Variants in OR6C65 observed in about 807,000 individuals in gnomAD.
OR6C65 encodes olfactory receptor 6C65.
For synonymous variants in OR6C65, 126 were observed against 127.5 expected (o/e 0.99, Z 0.08); for missense variants, 379 against 366.2 (o/e 1.03, Z -0.29).
At position 55,400,600 on chromosome 12, in the gene OR6C65, G is replaced by T. The variant is rs752558858; in HGVS notation, c.72G>T (p.Val24=). Residue 24 remains valine, a synonymous_variant, in exon 1 of 1, where the codon GTG becomes GTT. Coordinates refer to ENST00000379665, the MANE Select transcript of OR6C65 (RefSeq NM_001005518.1). ...GFTDNPELQV[V]IFFFMLITYL... ...CAGATAACCCAGAGTTACAAGTTGTGATATTCTTCTTTATGTTGATCACAT... is the reference window on the plus strand; with the variant it reads ...CAGATAACCCAGAGTTACAAGTTGTTATATTCTTCTTTATGTTGATCACAT... The T allele has an allele frequency of 1.3e-6, 2 of 1,579,268 alleles. No individual in the cohort carries two copies. The highest frequency in any genetic ancestry group is 1.2e-5 in the South Asian group (1 of 85,776).
At position 55,401,439 on chromosome 12, in the gene OR6C65, A is replaced by G. The variant is rs1870498508; in HGVS notation, c.911A>G (p.Lys304Arg). ...QVKQALREFTKKILSLNKQ is the reference protein window; with the variant it reads ...QVKQALREFTRKILSLNKQ ...AAACAGGCCCTTAGGGAATTCACCA[A>G]AAAAATATTATCATTGAACAAGCAA... The change falls in exon 1 of 1, where the codon AAA becomes AGA. Residue 304 changes from lysine to arginine, a missense_variant. Lys to Arg is a conservative substitution (Grantham distance 26). Transcript: ENST00000379665. 2 of 1,581,280 alleles carry G rather than the reference A, an allele frequency of 1.3e-6. No homozygotes were observed. Among genetic ancestry groups the G allele is most frequent in the African/African-American group, 2.7e-5 (2 of 73,566 alleles).
chr12:55,401,376 T>C lies in OR6C65; in HGVS notation c.848T>C (p.Leu283Ser). 3 of 1,613,722 alleles carry C rather than the reference T, an allele frequency of 1.9e-6. No individual in the cohort carries two copies. Among genetic ancestry groups the C allele is most frequent in the Non-Finnish European group, 2.5e-6 (3 of 1,179,940 alleles). Residue 283 changes from leucine to serine, a missense_variant, in exon 1 of 1, where the codon TTG becomes TCG. Leu to Ser is a moderately radical substitution (Grantham distance 145). Coordinates refer to ENST00000379665, the MANE Select transcript of OR6C65 (RefSeq NM_001005518.1). ...AVLNTSVAPM[L>S]NPFIYTLRNQ... ...CTTAATACCTCTGTTGCTCCTATGT[T>C]GAATCCCTTTATTTATACCTTAAGA...
Position 55,401,434 on chromosome 12 carries a change from C to A in OR6C65, c.906C>A (p.Phe302Leu). ...NQQVKQALRE[F>L]TKKILSLNKQ ...AGGTGAAACAGGCCCTTAGGGAATT[C>A]ACCAAAAAAATATTATCATTGAACA... The change falls in exon 1 of 1, where the codon TTC becomes TTA. Residue 302 changes from phenylalanine (F) to leucine (L), a missense_variant. Transcript: ENST00000379665. 1.9e-6 allele frequency: 3 copies of A among 1,580,180 alleles called. No individual in the cohort carries two copies. The highest frequency in any genetic ancestry group is 3.8e-5 in the Admixed American group (2 of 53,154).
Position 55,401,140 on chromosome 12 carries a change from A to G in OR6C65, c.612A>G (p.Thr204=). 1 of 1,614,016 alleles carries G rather than the reference A, an allele frequency of 6.2e-7. No individual in the cohort carries two copies. The highest frequency in any genetic ancestry group is 8.5e-7 in the Non-Finnish European group (1 of 1,180,002). The change falls in exon 1 of 1, where the codon ACA becomes ACG. Residue 204 remains threonine, a synonymous_variant. Transcript: ENST00000379665. The part of the protein sequence containing the change: ...ELMAFLLAVF[T]LMVTLALVVL... Reference sequence around the variant, plus strand: ...TGGCATTTTTGCTAGCAGTATTCACACTCATGGTAACTTTGGCCTTGGTGG... The same window carrying G: ...TGGCATTTTTGCTAGCAGTATTCACGCTCATGGTAACTTTGGCCTTGGTGG...
chr12:55,400,671 T>C lies in OR6C65; in HGVS notation c.143T>C (p.Leu48Ser). 1 of 1,606,664 alleles carries C rather than the reference T, an allele frequency of 6.2e-7. No individual in the cohort carries two copies. The highest frequency in any genetic ancestry group is 8.5e-7 in the Non-Finnish European group (1 of 1,174,102). Residue 48 changes from leucine (L) to serine (S), a missense_variant, in exon 1 of 1, where the codon TTG becomes TCG. Coordinates refer to ENST00000379665, the MANE Select transcript of OR6C65 (RefSeq NM_001005518.1). ...SGNMIIIMLT[L>S]SNIHLKTPMY... ...AACATGATCATCATTATGTTAACAT[T>C]GTCAAATATTCATTTGAAAACTCCT...
Position 55,400,933 on chromosome 12 carries a change from T to C in OR6C65, c.405T>C (p.Ser135=). The change falls in exon 1 of 1, where the codon AGT becomes AGC. Residue 135 remains serine, a synonymous_variant. Coordinates refer to ENST00000379665, the MANE Select transcript of OR6C65 (RefSeq NM_001005518.1). ...CTCTACATTATACAACCATCATGAG[T>C]AACAAAGTCTGTAATTGGCTTGTAA... ...CKPLHYTTIM[S]NKVCNWLVIS... 2 of 1,614,014 alleles carry C rather than the reference T, an allele frequency of 1.2e-6. No individual in the cohort carries two copies. Among genetic ancestry groups the C allele is most frequent in the South Asian group, 1.1e-5 (1 of 91,070 alleles).
In OR6C65 at chr12:55,400,926, T is replaced by A; in HGVS notation, c.398T>A (p.Ile133Asn). 1 of 1,614,014 alleles carries A rather than the reference T, an allele frequency of 6.2e-7. No individual in the cohort carries two copies. The highest frequency in any genetic ancestry group is 8.5e-7 in the Non-Finnish European group (1 of 1,180,012). Reference protein sequence around the residue: ...AICKPLHYTTIMSNKVCNWLV... With the variant: ...AICKPLHYTTNMSNKVCNWLV... Reference sequence around the variant, plus strand: ...TGCAAACCTCTACATTATACAACCATCATGAGTAACAAAGTCTGTAATTGG... The same window carrying A: ...TGCAAACCTCTACATTATACAACCAACATGAGTAACAAAGTCTGTAATTGG... The change falls in exon 1 of 1, where the codon ATC becomes AAC. Residue 133 changes from isoleucine to asparagine, a missense_variant. Physicochemically the swap from Ile to Asn is moderately radical, Grantham distance 149 (BLOSUM62 -3). Coordinates refer to ENST00000379665, the MANE Select transcript of OR6C65 (RefSeq NM_001005518.1).
In OR6C65 at chr12:55,401,366, G is replaced by A. The variant is rs779756982; in HGVS notation, c.838G>A (p.Ala280Thr). ...TGTAGCAGTGCTTAATACCTCTGTT[G>A]CTCCTATGTTGAATCCCTTTATTTA... ...KGVAVLNTSV[A>T]PMLNPFIYTL... is the part of the protein sequence containing the mutation. The change falls in exon 1 of 1, where the codon GCT becomes ACT. Residue 280 changes from alanine (A) to threonine (T), a missense_variant. Transcript: ENST00000379665. The A allele has an allele frequency of 1.9e-6, 3 of 1,613,776 alleles. No individual in the cohort carries two copies. Among genetic ancestry groups the A allele is most frequent in the South Asian group, 1.1e-5 (1 of 91,078 alleles).
chr12:55,401,261 G>A lies in OR6C65; in HGVS notation c.733G>A (p.Val245Met), dbSNP rs760987828. 2.5e-5 allele frequency: 40 copies of A among 1,613,916 alleles called. No individual in the cohort carries two copies. The highest frequency in any genetic ancestry group is 3.3e-5 in the South Asian group (3 of 91,046). The change falls in exon 1 of 1, where the codon GTG (valine) becomes ATG (methionine). Residue 245 changes from valine to methionine, a missense_variant. Transcript: ENST00000379665. ...TTCAACTTGTTCCTCCCATATGATTGTGGTTTCTGTTTCTTATGGGAGTTG... is the reference window on the plus strand; with the variant it reads ...TTCAACTTGTTCCTCCCATATGATTATGGTTTCTGTTTCTTATGGGAGTTG... Reference protein sequence around the residue: ...AFSTCSSHMIVVSVSYGSCIF... With the variant: ...AFSTCSSHMIMVSVSYGSCIF...
chr12:55,401,361 C>G lies in OR6C65; in HGVS notation c.833C>G (p.Ser278Cys), dbSNP rs756076045. The change falls in exon 1 of 1, where the codon TCT becomes TGT. Residue 278 changes from serine to cysteine, a missense_variant. Coordinates refer to ENST00000379665, the MANE Select transcript of OR6C65 (RefSeq NM_001005518.1). ...AAAGGTGTAGCAGTGCTTAATACCT[C>G]TGTTGCTCCTATGTTGAATCCCTTT... ...LSKGVAVLNTSVAPMLNPFIY... is the reference protein window; with the variant it reads ...LSKGVAVLNTCVAPMLNPFIY... The G allele has an allele frequency of 6.2e-6, 10 of 1,613,680 alleles. No homozygotes were observed. The highest frequency in any genetic ancestry group is 3.3e-5 in the Admixed American group (2 of 59,996).
chr12:55,401,056 C>G lies in OR6C65; in HGVS notation c.528C>G (p.Ile176Met). 2 of 1,614,160 alleles carry G rather than the reference C, an allele frequency of 1.2e-6. No individual in the cohort carries two copies. Among genetic ancestry groups the G allele is most frequent in the South Asian group, 2.2e-5 (2 of 91,078 alleles). ...FCDSSTIDHF[I>M]CDSSPMLLIA... ...ACTCCAGCACTATTGACCATTTCAT[C>G]TGTGATTCTTCCCCTATGCTGCTGA... Residue 176 changes from isoleucine to methionine, a missense_variant, in exon 1 of 1, where the codon ATC (isoleucine) becomes ATG (methionine). Ile to Met is a conservative substitution (Grantham distance 10). Transcript: ENST00000379665.
At position 55,400,806 on chromosome 12, in the gene OR6C65, A is replaced by G. The variant is rs1325237014; in HGVS notation, c.278A>G (p.Asn93Ser). ...ACAGGAGACACAACCATTTCCTATA[A>G]TGCTTCCATGGCCCAAGTATTTTTT... ...IATGDTTISY[N>S]ASMAQVFFLI... The change falls in exon 1 of 1, where the codon AAT becomes AGT. Residue 93 changes from asparagine to serine, a missense_variant. Coordinates refer to ENST00000379665, the MANE Select transcript of OR6C65 (RefSeq NM_001005518.1). 6.2e-7 allele frequency: 1 copy of G among 1,612,950 alleles called. No individual in the cohort carries two copies. The highest frequency in any genetic ancestry group is 8.5e-7 in the Non-Finnish European group (1 of 1,179,748).
Position 55,400,613 on chromosome 12 carries a change from A to T in OR6C65, c.85A>T (p.Met29Leu). The stretch of plus-strand genomic sequence containing the variant: ...GTTACAAGTTGTGATATTCTTCTTT[A>T]TGTTGATCACATACTTATTGAGTGT... ...PELQVVIFFF[M>L]LITYLLSVSG... The change falls in exon 1 of 1, where the codon ATG (methionine) becomes TTG (leucine). Residue 29 changes from methionine to leucine, a missense_variant. Physicochemically the swap from Met to Leu is conservative, Grantham distance 15. Transcript: ENST00000379665. 2 of 1,591,300 alleles carry T rather than the reference A, an allele frequency of 1.3e-6. No homozygotes were observed. The highest frequency in any genetic ancestry group is 1.7e-6 in the Non-Finnish European group (2 of 1,165,578).
chr12:55,401,247 C>G lies in OR6C65; in HGVS notation c.719C>G (p.Ser240Cys). ...AGGAAAAAGGCTTTTTCAACTTGTT[C>G]CTCCCATATGATTGTGGTTTCTGTT... ...QQRKKAFSTC[S>C]SHMIVVSVSY... is the part of the protein sequence containing the mutation. Residue 240 changes from serine to cysteine, a missense_variant, in exon 1 of 1, where the codon TCC becomes TGC. Ser to Cys is a moderately radical substitution (Grantham distance 112). Transcript: ENST00000379665. 6.2e-7 allele frequency: 1 copy of G among 1,613,856 alleles called. No homozygotes were observed. Among genetic ancestry groups the G allele is most frequent in the Non-Finnish European group, 8.5e-7 (1 of 1,179,848 alleles).
At position 55,400,623 on chromosome 12, in the gene OR6C65, C is replaced by T. The variant is rs1443731964; in HGVS notation, c.95C>T (p.Thr32Ile). The T allele has an allele frequency of 1.3e-6, 2 of 1,593,968 alleles. No homozygotes were observed. Among genetic ancestry groups the T allele is most frequent in the Non-Finnish European group, 1.7e-6 (2 of 1,165,718 alleles). ...GTGATATTCTTCTTTATGTTGATCA[C>T]ATACTTATTGAGTGTAAGTGGAAAC... Reference protein sequence around the residue: ...QVVIFFFMLITYLLSVSGNMI... With the variant: ...QVVIFFFMLIIYLLSVSGNMI... Residue 32 changes from threonine (T) to isoleucine (I), a missense_variant, in exon 1 of 1, where the codon ACA becomes ATA. By Grantham distance (89) the Thr-to-Ile change is moderately conservative. Coordinates refer to ENST00000379665, the MANE Select transcript of OR6C65 (RefSeq NM_001005518.1).
At position 55,401,444 on chromosome 12, in the gene OR6C65, A is replaced by C. The variant is rs774416422; in HGVS notation, c.916A>C (p.Ile306Leu). 2 of 1,579,960 alleles carry C rather than the reference A, an allele frequency of 1.3e-6. No individual in the cohort carries two copies. The highest frequency in any genetic ancestry group is 2.3e-5 in the South Asian group (2 of 86,584). The change falls in exon 1 of 1, where the codon ATA (isoleucine) becomes CTA (leucine). Residue 306 changes from isoleucine to leucine, a missense_variant. Physicochemically the swap from Ile to Leu is conservative, Grantham distance 5. Transcript: ENST00000379665. Reference sequence around the variant, plus strand: ...GGCCCTTAGGGAATTCACCAAAAAAATATTATCATTGAACAAGCAATAATG... The same window carrying C: ...GGCCCTTAGGGAATTCACCAAAAAACTATTATCATTGAACAAGCAATAATG... ...KQALREFTKK[I>L]LSLNKQ
Position 55,401,062 on chromosome 12 carries a change from T to G in OR6C65, c.534T>G (p.Asp178Glu). The change falls in exon 1 of 1, where the codon GAT becomes GAG. Residue 178 changes from aspartate (D) to glutamate (E), a missense_variant. Transcript: ENST00000379665. ...GCACTATTGACCATTTCATCTGTGA[T>G]TCTTCCCCTATGCTGCTGATTGCTT... ...DSSTIDHFIC[D>E]SSPMLLIACT... 1.9e-6 allele frequency: 3 copies of G among 1,614,194 alleles called. No individual in the cohort carries two copies. The highest frequency in any genetic ancestry group is 1.3e-5 in the African/African-American group (1 of 75,058).
chr12:55,400,744 G>A lies in OR6C65; in HGVS notation c.216G>A (p.Thr72=), dbSNP rs139418679. Residue 72 remains threonine (T), a synonymous_variant, in exon 1 of 1, where the codon ACG becomes ACA. Coordinates refer to ENST00000379665, the MANE Select transcript of OR6C65 (RefSeq NM_001005518.1). ...TCTCTTTCTTAGAAATTTCATTTAC[G>A]ACAGTCTTCATTCCTAGATTTCTGA... is the stretch of plus-strand genomic sequence containing the variant. ...RNFSFLEISF[T]TVFIPRFLIN... The A allele has an allele frequency of 1.1e-5, 17 of 1,610,322 alleles. No individual in the cohort carries two copies. Among genetic ancestry groups the A allele is most frequent in the African/African-American group, 1.3e-5 (1 of 74,786 alleles).
At position 55,401,213 on chromosome 12, in the gene OR6C65, G is replaced by GC. The variant is rs1289591449; in HGVS notation, c.688dup (p.Gln230ProfsTer47). 1 of 1,614,056 alleles carries GC rather than the reference G, an allele frequency of 6.2e-7. No homozygotes were observed. Among genetic ancestry groups the GC allele is most frequent in the East Asian group, 2.2e-5 (1 of 44,870 alleles). On this transcript the variant is annotated frameshift_variant, in exon 1 of 1. Transcript: ENST00000379665. LOFTEE classifies it low-confidence loss of function (END_TRUNC). ...TAAAACAATTCTGAAGATTCCCTCTGCCCAGCAAAGGAAAAAGGCTTTTTC... is the reference window on the plus strand; with the variant it reads ...TAAAACAATTCTGAAGATTCCCTCTGCCCCAGCAAAGGAAAAAGGCTTTTTC...
Sources: allele counts gnomAD v4.1 joint callset, GRCh38; gene constraint gnomAD v4.1.1; transcripts MANE v1.5; gene names NCBI Gene and HGNC (gene_info 2026-07-23, HGNC 2026-07-21).